The following KCNJ3 variants were observed in gnomAD, a reference collection of about 807,000 sequenced individuals.
The protein encoded by KCNJ3 is potassium inwardly rectifying channel subfamily J member 3.
A neutral mutation model predicts 39.2 loss-of-function variants in KCNJ3; 4 were observed. The ratio of observed to expected loss-of-function variants is 0.10; its 90% CI spans 0.05 to 0.23. KCNJ3 has a LOEUF of 0.23. KCNJ3 is among the 10% of genes least tolerant of loss of function. The probability of loss-of-function intolerance (pLI) is 1.00; values close to 1 mark genes in which losing one functional copy is unlikely to be tolerated. For missense variants in KCNJ3, 276 were observed against 634.9 expected (o/e 0.43, Z 6.08); for synonymous variants, 230 against 237.4 (o/e 0.97, Z 0.29).
At chr2:154,808,241 C>T (rs535128205) in intron 2 of KCNJ3, among the ~76,000 whole-genome samples, 3 of 152,032 alleles carry the variant, frequency 2.0e-5, no homozygotes, top group East Asian at 3.9e-4. Context: ...GCCACCATGC[C>T]TGGCTAATTT....
chr2:154,773,146 AT>A (rs1686271553), intron 2 of KCNJ3, among the ~76,000 whole-genome samples: 1 of 152,164 alleles, frequency 6.6e-6, no homozygotes. Flanking sequence ...AAAATAGCAC[AT>A]TTTGACTATT....
At chr2:154,837,312 C>T (rs921461758) in intron 2 of KCNJ3, among the ~76,000 whole-genome samples, 23 of 152,120 alleles carry the variant, frequency 1.5e-4, no homozygotes, top group African/African-American at 5.6e-4. Flanking sequence ...TTTATGTTGA[C>T]ATTCTTGCCC....
chr2:154,709,443 G>A (rs577671732), intron 1 of KCNJ3, 160 bp from the exon 2 acceptor site: 3 of 680,616 alleles, frequency 4.4e-6, no homozygotes, highest in Admixed American at 3.0e-5. Context: ...GTGGGATTTC[G>A]GCCCATTTGC....
intron 2 of KCNJ3, among the ~76,000 whole-genome samples, chr2:154,839,218 T>C (rs1163732932): frequency 3.3e-5 from 5 of 152,200 alleles, no homozygotes; most frequent in South Asian, 2.1e-4. Context: ...GTCCTTGAGA[T>C]AGTTTGCTGG....
rs890096057 is a variant in KCNJ3 at position 154,834,041 on chromosome 2, A to G, written c.920-20686A>G. Among the ~76,000 whole-genome samples the G allele has an allele frequency of 3.3e-5, 5 of 152,156 alleles. No individual in the cohort carries two copies. In the South Asian group the frequency reaches 1.0e-3, roughly 32 times the overall value. ...ATAACTGTCCAGTTAAACTGGGTAA[A>G]TATCAAGGAGTGCAACTGGGTAAAT... is the stretch of plus-strand genomic sequence containing the variant. On this transcript the variant is annotated intron_variant, in intron 2 of 2. Transcript: ENST00000295101.
At chr2:154,731,713 GA>G (rs11371355) in intron 2 of KCNJ3, among the ~76,000 whole-genome samples, 5 of 149,286 alleles carry the variant, frequency 3.3e-5, no homozygotes, top group Admixed American at 6.7e-5. Flanking sequence ...TCTTGCTCTG[GA>G]AAAAAAAAGA....
chr2:154,847,381 C>A (rs1300079602), intron 2 of KCNJ3, among the ~76,000 whole-genome samples: 2 of 152,066 alleles, frequency 1.3e-5, no homozygotes, highest in East Asian at 1.9e-4. Context: ...TTTGGAAGTA[C>A]CTTAGAGAAG....
At chr2:154,779,454 T>C (rs1037290395) in intron 2 of KCNJ3, among the ~76,000 whole-genome samples, 12 of 130,514 alleles carry the variant, frequency 9.2e-5, no homozygotes, top group Non-Finnish European at 1.4e-4. Flanking sequence ...ATATATATTT[T>C]ATATATATAT....
intron 2 of KCNJ3, among the ~76,000 whole-genome samples, chr2:154,724,136 T>C (rs1685310268): frequency 6.6e-6 from 1 of 152,106 alleles, no homozygotes; most frequent in South Asian, 2.1e-4. Context: ...TTAAATTAGA[T>C]TTATGCTTTG....
chr2:154,816,365 G>A (rs1016663835), intron 2 of KCNJ3, among the ~76,000 whole-genome samples: 12 of 152,114 alleles, frequency 7.9e-5, no homozygotes, highest in African/African-American at 2.9e-4. Flanking sequence ...GGAAAAAAGC[G>A]TCATCATTTG....
intron 2 of KCNJ3, among the ~76,000 whole-genome samples, chr2:154,751,340 T>G (rs561786532): frequency 6.6e-6 from 1 of 152,182 alleles, no homozygotes; most frequent in South Asian, 2.1e-4. Flanking sequence ...ATATAGTATT[T>G]CATTACATAT....
chr2:154,735,102 T>TGTGTGTG (rs746877275), intron 2 of KCNJ3, among the ~76,000 whole-genome samples: 7 of 151,894 alleles, frequency 4.6e-5, no homozygotes, highest in African/African-American at 7.2e-5. Context: ...TGTGTGTGTG[T>TGTGTGTG]TTGAGACGGA....
chr2:154,698,781 T>G lies in KCNJ3; in HGVS notation c.6T>G (p.Ser2=), dbSNP rs1181343341. Reference sequence around the variant, plus strand: ...CTGGCTCGCCCCTTCGTATTATGTCTGCACTCCGAAGGAAATTTGGGGACG... The same window carrying G: ...CTGGCTCGCCCCTTCGTATTATGTCGGCACTCCGAAGGAAATTTGGGGACG... M[S]ALRRKFGDDY... is the part of the protein sequence containing the mutation. Residue 2 remains serine (S), a synonymous_variant, in exon 1 of 3, where the codon TCT becomes TCG. Coordinates refer to ENST00000295101, the MANE Select transcript of KCNJ3 (RefSeq NM_002239.4). The G allele has an allele frequency of 4.4e-6, 7 of 1,607,734 alleles. No individual in the cohort carries two copies. The highest frequency in any genetic ancestry group is 6.0e-6 in the Non-Finnish European group (7 of 1,175,262).
intron 2 of KCNJ3, among the ~76,000 whole-genome samples, chr2:154,758,381 G>C (rs1685979286): frequency 6.6e-6 from 1 of 152,088 alleles, no homozygotes; most frequent in South Asian, 2.1e-4. Flanking sequence ...CCTCCCTCAG[G>C]TACCAAATAT....
chr2:154,841,889 C>T (rs1391441175), intron 2 of KCNJ3, among the ~76,000 whole-genome samples: 1 of 152,040 alleles, frequency 6.6e-6, no homozygotes, highest in Non-Finnish European at 1.5e-5. Context: ...AAAACCAGCT[C>T]CTGGATTCAT....
chr2:154,745,076 T>C (rs1490513279), intron 2 of KCNJ3, among the ~76,000 whole-genome samples: 1 of 151,992 alleles, frequency 6.6e-6, no homozygotes, highest in Non-Finnish European at 1.5e-5. Context: ...TTCCATTGTG[T>C]TCAGGGAACA....
intron 1 of KCNJ3, among the ~76,000 whole-genome samples, chr2:154,703,678 A>T (rs1684950276): frequency 1.3e-5 from 2 of 152,062 alleles, no homozygotes; most frequent in Admixed American, 6.6e-5. Flanking sequence ...GGATTCCTGC[A>T]GTTTTCTCAT....
chr2:154,722,515 C>T (rs919955800), intron 2 of KCNJ3, among the ~76,000 whole-genome samples: 9 of 152,232 alleles, frequency 5.9e-5, no homozygotes, highest in African/African-American at 2.2e-4. Flanking sequence ...AACTGAATGA[C>T]ATTCATATGG....
intron 2 of KCNJ3, among the ~76,000 whole-genome samples, chr2:154,782,035 G>A (rs1037660822): frequency 2.6e-5 from 4 of 152,246 alleles, no homozygotes; most frequent in Non-Finnish European, 2.9e-5. Context: ...ATTTTTGTCC[G>A]TGATATTGAG....
Sources: allele counts gnomAD v4.1 joint callset (sites outside exome capture counted in the v4.1 genomes callset), GRCh38; gene constraint gnomAD v4.1.1; transcripts MANE v1.5; gene names NCBI Gene and HGNC (gene_info 2026-07-23, HGNC 2026-07-21).